ABCC4: variants seen among roughly 807,000 people sequenced by gnomAD.
The protein encoded by ABCC4 is ATP-binding cassette sub-family C member 4.
Under a neutral mutation model 168.5 loss-of-function variants are expected in ABCC4, and 102 were observed. The ratio of observed to expected loss-of-function variants is 0.61; its 90% CI spans 0.52 to 0.71. The LOEUF (loss-of-function observed/expected upper bound fraction) is 0.71, where lower values mean the gene tolerates loss of function less well. Among genes scored for constraint, ABCC4 ranks in the 30% least tolerant of loss-of-function variants. ABCC4 has a pLI of 0.00. For synonymous variants in ABCC4, 617 were observed against 590.7 expected, an observed-to-expected ratio of 1.04 and a Z score of -0.65; for missense variants, 1,402 against 1,605.8, an observed-to-expected ratio of 0.87 and a Z score of 2.17.
At chr13:95,131,958 C>T (rs898271518) in intron 19 of ABCC4, among the ~76,000 whole-genome samples, 1 of 152,104 alleles carries the variant, frequency 6.6e-6, no homozygotes, top group Non-Finnish European at 1.5e-5. Flanking sequence ...CATATATACA[C>T]AACAGAAGAG....
In ABCC4 at chr13:95,141,257, A is replaced by T. The variant is rs1012130277; in HGVS notation, c.2455+19932T>A. Reference sequence around the variant, plus strand: ...GCCAGCACAGGCTGAAGGGGTCAAGATATCAAATGTCATGAGATGTAATCA... The same window carrying T: ...GCCAGCACAGGCTGAAGGGGTCAAGTTATCAAATGTCATGAGATGTAATCA... On this transcript the variant is annotated intron_variant, in intron 19 of 30. Transcript: ENST00000645237. Among the ~76,000 whole-genome samples, 7 of 152,226 alleles carry T rather than the reference A, an allele frequency of 4.6e-5. No homozygotes were observed. In the South Asian group the frequency reaches 1.5e-3, roughly 32 times the overall value.
At chr13:95,135,906 A>G (rs1180388544) in intron 19 of ABCC4, among the ~76,000 whole-genome samples, 2 of 152,220 alleles carry the variant, frequency 1.3e-5, no homozygotes, top group Non-Finnish European at 1.5e-5. Flanking sequence ...CTTATCTCAT[A>G]AACTATAGAA....
intron 26 of ABCC4, 104 bp from the exon 27 acceptor site, chr13:95,053,288 T>G: frequency 1.1e-6 from 1 of 885,808 alleles, no homozygotes; most frequent in Middle Eastern, 2.2e-4. Flanking sequence ...ATAAAATTCA[T>G]GATAATAATT....
At chr13:95,177,912 T>C in intron 12 of ABCC4, 85 bp downstream of exon 12, 3 of 1,507,924 alleles carry the variant, frequency 2.0e-6, no homozygotes, top group Non-Finnish European at 1.8e-6. Context: ...CAGGACGCAA[T>C]ACACAGTAAG....
chr13:95,035,718 T>C (rs1416662438), intron 29 of ABCC4, among the ~76,000 whole-genome samples: 1 of 152,224 alleles, frequency 6.6e-6, no homozygotes, highest in Non-Finnish European at 1.5e-5. Flanking sequence ...CTTTGGTTAA[T>C]GGTTTCAGAG....
chr13:95,075,285 T>C (rs1232046787), intron 22 of ABCC4, 147 bp downstream of exon 22: 3 of 987,352 alleles, frequency 3.0e-6, no homozygotes, highest in Non-Finnish European at 4.5e-6. Flanking sequence ...AAGAAGGGGA[T>C]GGGGAAGGAG....
At chr13:95,284,213 G>T (rs1394888836) in intron 1 of ABCC4, among the ~76,000 whole-genome samples, 1 of 152,010 alleles carries the variant, frequency 6.6e-6, no homozygotes, top group Non-Finnish European at 1.5e-5. Context: ...TTGAGACAGG[G>T]TCTCACTGTG....
At chr13:95,124,240 CA>C (rs2035673399) in intron 19 of ABCC4, among the ~76,000 whole-genome samples, 1 of 152,104 alleles carries the variant, frequency 6.6e-6, no homozygotes, top group African/African-American at 2.4e-5. Flanking sequence ...GAAAGTAGTC[CA>C]CAGAAGATAG....
rs377662682 is a variant in ABCC4 at position 95,176,204 on chromosome 13, C to T, written c.1727+1503G>A. 4.0e-4 allele frequency among the ~76,000 whole-genome samples: 47 copies of T among 118,646 alleles called. 2 individuals are homozygous for T. Among genetic ancestry groups the T allele is most frequent in the African/African-American group, 1.3e-3 (39 of 31,040 alleles). 77.8% of individuals were successfully genotyped at this position (118,646 alleles called of 152,430 possible). A position where few individuals can be genotyped will look rare whatever the true frequency, so the allele number is the denominator to read the frequency against. ...TAGGGGCTCACACCTGTAATCTCAG[C>T]ACTCCAGGAAGCCGAGGGCAGGGGG... On this transcript the variant is annotated intron_variant, in intron 13 of 30. Coordinates refer to ENST00000645237, the MANE Select transcript of ABCC4 (RefSeq NM_005845.5).
At chr13:95,237,375 A>G (rs1022785490) in intron 3 of ABCC4, among the ~76,000 whole-genome samples, 1 of 152,206 alleles carries the variant, frequency 6.6e-6, no homozygotes, top group Non-Finnish European at 1.5e-5. Context: ...ACCAAATTTA[A>G]ACTTTCTAAA....
In ABCC4 at chr13:95,188,552, A is replaced by G; in HGVS notation, c.1264-10T>C. 6.3e-7 allele frequency: 1 copy of G among 1,596,006 alleles called. No individual in the cohort carries two copies. The highest frequency in any genetic ancestry group is 8.6e-7 in the Non-Finnish European group (1 of 1,167,768). ...TTGGGGTCTCTGATGCCTACAAATTAAAGTTTATAAAATGTGCCCATTTCA... is the reference window on the plus strand; with the variant it reads ...TTGGGGTCTCTGATGCCTACAAATTGAAGTTTATAAAATGTGCCCATTTCA... On this transcript the variant is annotated splice_polypyrimidine_tract_variant and intron_variant, in intron 9 of 30. Coordinates refer to ENST00000645237, the MANE Select transcript of ABCC4 (RefSeq NM_005845.5).
chr13:95,102,831 G>A (rs1018983350), intron 20 of ABCC4, among the ~76,000 whole-genome samples: 10 of 150,578 alleles, frequency 6.6e-5, no homozygotes, highest in African/African-American at 2.4e-4. Flanking sequence ...ATGTTGGCCA[G>A]GCTGGTCTCA....
At chr13:95,033,684 C>T (rs985422388) in intron 30 of ABCC4, among the ~76,000 whole-genome samples, 8 of 138,596 alleles carry the variant, frequency 5.8e-5, no homozygotes, top group Non-Finnish European at 7.7e-5. Context: ...TTTTTTGAGA[C>T]GGAGTTTCGC....
chr13:95,174,692 C>T (rs117719758), intron 13 of ABCC4, among the ~76,000 whole-genome samples: 2 of 152,278 alleles, frequency 1.3e-5, no homozygotes, highest in Non-Finnish European at 2.9e-5. Context: ...CTCTAAACAG[C>T]GTCCCACCGG....
chr13:95,177,611 C>T, intron 13 of ABCC4, 96 bp downstream of exon 13: 1 of 937,014 alleles, frequency 1.1e-6, no homozygotes, highest in Non-Finnish European at 1.6e-6. Context: ...GAGCGGACAC[C>T]AGAGTAGGAT....
intron 1 of ABCC4, among the ~76,000 whole-genome samples, chr13:95,281,299 CAAAAAAAAAA>C (rs10541756): frequency 8.2e-5 from 4 of 48,730 alleles, no homozygotes; most frequent in South Asian, 1.1e-3. Flanking sequence ...GAGACTCTCT[CAAAAAAAAAA>C]AAAAAAAAAA....
chr13:95,027,321 G>C (rs756563470), intron 30 of ABCC4, among the ~76,000 whole-genome samples: 7 of 151,940 alleles, frequency 4.6e-5, no homozygotes, highest in Non-Finnish European at 7.4e-5. Context: ...CAGGGACTTG[G>C]TACGCATCCA....
chr13:95,245,613 C>T (rs58706463), intron 3 of ABCC4, among the ~76,000 whole-genome samples: 1,931 of 152,292 alleles, frequency 0.013, 37 homozygotes, highest in African/African-American at 0.043. Context: ...GCATGTCCAC[C>T]CCATCTGCCA....
At chr13:95,198,063 G>A (rs979450346) in intron 8 of ABCC4, among the ~76,000 whole-genome samples, 14 of 152,062 alleles carry the variant, frequency 9.2e-5, no homozygotes, top group Non-Finnish European at 1.3e-4. Flanking sequence ...AAGACTTCAC[G>A]ACTAAAACAC....
Sources: allele counts gnomAD v4.1 joint callset (sites outside exome capture counted in the v4.1 genomes callset), GRCh38; gene constraint gnomAD v4.1.1; transcripts MANE v1.5; gene names NCBI Gene and HGNC (gene_info 2026-07-23, HGNC 2026-07-21).